MIPOL1: variants seen among roughly 807,000 people sequenced by gnomAD.
The protein encoded by MIPOL1 is mirror-image polydactyly 1.
In MIPOL1, 57 loss-of-function variants were observed where a neutral mutation model predicts 60.9. The observed-to-expected ratio is 0.94, with a 90% CI of 0.76 to 1.17. The LOEUF (loss-of-function observed/expected upper bound fraction) is 1.17, where lower values mean the gene tolerates loss of function less well. Ranked by LOEUF, MIPOL1 falls within the 50% of genes most tolerant of loss-of-function variation. The pLI is 0.00. For missense variants in MIPOL1, 551 were observed against 511.6 expected (o/e 1.08, Z -0.74); for synonymous variants, 179 against 168.8 (o/e 1.06, Z -0.47).
chr14:37,198,908 T>C (rs995798758), intron 1 of MIPOL1, among the ~76,000 whole-genome samples: 1 of 152,200 alleles, frequency 6.6e-6, no homozygotes, highest in Non-Finnish European at 1.5e-5. Flanking sequence ...TGTGATCTGG[T>C]ATGGAGTTCA....
chr14:37,408,178 G>A (rs981421083), intron 10 of MIPOL1, among the ~76,000 whole-genome samples: 15 of 151,756 alleles, frequency 9.9e-5, no homozygotes, highest in African/African-American at 3.6e-4. Flanking sequence ...AACTCTCCTA[G>A]TATTTCTAAA....
intron 7 of MIPOL1, among the ~76,000 whole-genome samples, chr14:37,291,914 A>ATT (rs57230205): frequency 0.029 from 2,737 of 92,968 alleles, 348 homozygotes; most frequent in African/African-American, 0.13. Context: ...AATGGCAATA[A>ATT]TTTTTTTTTT....
intron 12 of MIPOL1, among the ~76,000 whole-genome samples, chr14:37,537,952 T>TA (rs1331580684): frequency 1.3e-5 from 2 of 152,234 alleles, no homozygotes; most frequent in Non-Finnish European, 1.5e-5. Flanking sequence ...ATTAGGTTAT[T>TA]AGGCTTTTTT....
rs148448969 is a variant in MIPOL1 at position 37,287,544 on chromosome 14, G to A, written c.623+2097G>A. Among the ~76,000 whole-genome samples, 63 of 152,240 alleles carry A rather than the reference G, an allele frequency of 4.1e-4. 2 individuals carry two copies. The East Asian group carries it at 0.011, about 28-fold the overall frequency. Reference sequence around the variant, plus strand: ...ACTGAGATTACAGGCATGAGCCATTGCACCTAGCCAAATCACTGAATATTG... The same window carrying A: ...ACTGAGATTACAGGCATGAGCCATTACACCTAGCCAAATCACTGAATATTG... On this transcript the variant is annotated intron_variant, in intron 7 of 12. Coordinates refer to ENST00000684589, the MANE Select transcript of MIPOL1 (RefSeq NM_001388067.1).
chr14:37,535,876 A>C (rs2095504106), intron 12 of MIPOL1, among the ~76,000 whole-genome samples: 1 of 151,658 alleles, frequency 6.6e-6, no homozygotes, highest in Non-Finnish European at 1.5e-5. Flanking sequence ...ATCTTTTTTC[A>C]ATTTCTTTTT....
At chr14:37,373,473 C>T (rs556126373) in intron 10 of MIPOL1, among the ~76,000 whole-genome samples, 4 of 151,776 alleles carry the variant, frequency 2.6e-5, no homozygotes, top group East Asian at 3.9e-4. Context: ...CAGGTATACA[C>T]ATGCCATGGT....
intron 11 of MIPOL1, among the ~76,000 whole-genome samples, chr14:37,433,051 G>A (rs2094102658): frequency 6.6e-6 from 1 of 152,140 alleles, no homozygotes; most frequent in Admixed American, 6.6e-5. Flanking sequence ...AAGGGCTGAT[G>A]TTGTACTTTT....
At chr14:37,320,757 A>C (rs1490693868) in intron 9 of MIPOL1, among the ~76,000 whole-genome samples, 1 of 151,994 alleles carries the variant, frequency 6.6e-6, no homozygotes, top group Non-Finnish European at 1.5e-5. Context: ...GGTCCTGATC[A>C]GTTTCAAAAT....
At chr14:37,457,119 G>A (rs2094485180) in intron 11 of MIPOL1, among the ~76,000 whole-genome samples, 1 of 152,088 alleles carries the variant, frequency 6.6e-6, no homozygotes, top group African/African-American at 2.4e-5. Flanking sequence ...ATAAAGAATT[G>A]GCATCTGGGG....
chr14:37,545,711 C>T, intron 12 of MIPOL1: 1 of 652,482 alleles, frequency 1.5e-6, no homozygotes, highest in Non-Finnish European at 2.7e-6. Flanking sequence ...AGCTAGTTTT[C>T]AGCATTATAT....
chr14:37,286,471 C>T (rs1202080654), intron 7 of MIPOL1, among the ~76,000 whole-genome samples: 1 of 151,930 alleles, frequency 6.6e-6, no homozygotes, highest in Non-Finnish European at 1.5e-5. Context: ...GTAGAAAGGC[C>T]CTAGAACATC....
intron 9 of MIPOL1, among the ~76,000 whole-genome samples, chr14:37,363,413 A>T (rs1313222902): frequency 6.6e-6 from 1 of 152,104 alleles, no homozygotes; most frequent in East Asian, 1.9e-4. Context: ...TCCACTCCAG[A>T]CCCTGTTTGC....
chr14:37,235,828 G>C lies in MIPOL1; in HGVS notation c.-198-11275G>C, dbSNP rs564753003. On this transcript the variant is annotated intron_variant, in intron 1 of 12. Coordinates refer to ENST00000684589, the MANE Select transcript of MIPOL1 (RefSeq NM_001388067.1). ...CTATTCTAGGGACCTCATATAAGTG[G>C]AATCATAAAGTAGTTGTCCTTTTGT... Among the ~76,000 whole-genome samples the C allele has an allele frequency of 5.3e-5, 8 of 152,114 alleles. No homozygotes were observed. The East Asian group carries it at 1.2e-3, about 22-fold the overall frequency.
At chr14:37,480,407 A>G (rs1197429433) in intron 11 of MIPOL1, among the ~76,000 whole-genome samples, 3 of 152,226 alleles carry the variant, frequency 2.0e-5, no homozygotes, top group African/African-American at 7.2e-5. Flanking sequence ...ATGCAAATCA[A>G]TACATTTGAT....
chr14:37,266,662 C>A (rs550607804), intron 3 of MIPOL1, among the ~76,000 whole-genome samples: 1 of 152,238 alleles, frequency 6.6e-6, no homozygotes, highest in Admixed American at 6.5e-5. Flanking sequence ...AAGGATGGTC[C>A]ATGGACCACT....
chr14:37,337,454 C>T (rs184200774), intron 9 of MIPOL1, among the ~76,000 whole-genome samples: 6 of 144,196 alleles, frequency 4.2e-5, no homozygotes, highest in South Asian at 4.4e-4. Flanking sequence ...CTGCAACCTC[C>T]GCCTCCCAGG....
intron 10 of MIPOL1, among the ~76,000 whole-genome samples, chr14:37,387,552 G>A (rs758087822): frequency 3.3e-5 from 5 of 151,858 alleles, no homozygotes; most frequent in Admixed American, 6.6e-5. Context: ...TCCATTGAGT[G>A]TATCAGTTTT....
rs139361641 is a variant in MIPOL1, at chr14:37,433,932, T to C, written c.1031+10983T>C. Among the ~76,000 whole-genome samples the C allele has an allele frequency of 1.7e-3, 259 of 152,320 alleles. 1 individual carries two copies. The highest frequency in any genetic ancestry group is 5.9e-3 in the African/African-American group (245 of 41,574). On this transcript the variant is annotated intron_variant, in intron 11 of 12. Transcript: ENST00000684589. ...TACATTTTCTTTATCCCGTCTATCA[T>C]TGATGGGCATTTGGGTTGGTTCCAA...
chr14:37,426,700 G>A (rs1422901167), intron 11 of MIPOL1, among the ~76,000 whole-genome samples: 1 of 149,178 alleles, frequency 6.7e-6, no homozygotes, highest in African/African-American at 2.5e-5. Flanking sequence ...TGAAGAGACA[G>A]GAGATTGAAG....
Sources: gnomAD v4.1 joint callset for allele counts (sites outside exome capture counted in the v4.1 genomes callset) on GRCh38, gnomAD v4.1.1 for gene constraint, MANE v1.5 for transcripts, NCBI Gene and HGNC (gene_info 2026-07-23, HGNC 2026-07-21) for gene names.